The following CTDSPL2 variants were observed in gnomAD, a reference collection of about 807,000 sequenced individuals.
The protein encoded by CTDSPL2 is CTD small phosphatase like 2, also known as CTD small phosphatase-like protein 2.
CTDSPL2 carries 5 observed loss-of-function variants against 60.0 expected under a neutral mutation model. The ratio of observed to expected loss-of-function variants is 0.08; its 90% CI spans 0.04 to 0.18. The LOEUF is 0.18. Among genes scored for constraint, CTDSPL2 ranks in the 10% least tolerant of loss-of-function variants. The pLI, the probability that CTDSPL2 is intolerant of heterozygous loss-of-function variation, is 1.00. For synonymous variants in CTDSPL2, 186 were observed against 189.3 expected, an observed-to-expected ratio of 0.98 and a Z score of 0.14; for missense variants, 370 against 548.8, an observed-to-expected ratio of 0.67 and a Z score of 3.26.
intron 1 of CTDSPL2, among the ~76,000 whole-genome samples, chr15:44,458,314 T>C (rs980993818): frequency 6.6e-6 from 1 of 152,234 alleles, no homozygotes; most frequent in African/African-American, 2.4e-5. Context: ...TTCTAAGTGT[T>C]GGGACAGTTT....
chr15:44,498,523 C>T (rs768352473), intron 7 of CTDSPL2, among the ~76,000 whole-genome samples: 4 of 151,994 alleles, frequency 2.6e-5, no homozygotes, highest in Non-Finnish European at 4.4e-5. Context: ...GAGTTTGAGG[C>T]GGCAGTGAGC....
chr15:44,524,024 T>C lies in CTDSPL2; in HGVS notation c.1336-85T>C, dbSNP rs995154337. The C allele has an allele frequency of 2.9e-6, 3 of 1,044,164 alleles. No homozygotes were observed. In the African/African-American group the frequency reaches 4.7e-5, roughly 16 times the overall value. The allele number at this position is 1,044,164 out of a possible 1,614,324, so 64.7% of individuals were successfully genotyped here. A position where few individuals can be genotyped will look rare whatever the true frequency, so the allele number is the denominator to read the frequency against. On this transcript the variant is annotated intron_variant, in intron 12 of 12. Coordinates refer to ENST00000260327, the MANE Select transcript of CTDSPL2 (RefSeq NM_016396.3). ...GTCATAAAATAAAAACTGGTATGTT[T>C]TCTCTGCAAGGTAAGAATGTATGTT...
chr15:44,441,423 A>G (rs970720198), intron 1 of CTDSPL2, among the ~76,000 whole-genome samples: 13 of 152,142 alleles, frequency 8.5e-5, no homozygotes, highest in East Asian at 7.7e-4. Flanking sequence ...CCATGTTCGC[A>G]TATTGTGAGC....
At chr15:44,515,828 G>A (rs1232019959) in intron 10 of CTDSPL2, among the ~76,000 whole-genome samples, 1 of 152,070 alleles carries the variant, frequency 6.6e-6, no homozygotes, top group African/African-American at 2.4e-5. Flanking sequence ...AGCCGAGATC[G>A]TGCCGTTGCA....
In CTDSPL2 at chr15:44,514,644, T is replaced by C; in HGVS notation, c.1016T>C (p.Met339Thr). Residue 339 changes from methionine (M) to threonine (T), a missense_variant, in exon 9 of 13, where the codon ATG becomes ACG. Coordinates refer to ENST00000260327, the MANE Select transcript of CTDSPL2 (RefSeq NM_016396.3). The stretch of plus-strand genomic sequence containing the variant: ...TTTTTCAGGGAATTCCTGGAACGAA[T>C]GTCTCAGATGTATGAGGTAAACATG... ...RPFFREFLER[M>T]SQMYEIILFT... is the part of the protein sequence containing the mutation. The C allele has an allele frequency of 6.2e-7, 1 of 1,607,842 alleles. No homozygotes were observed.
chr15:44,456,426 ATTG>A (rs1371432738), intron 1 of CTDSPL2, among the ~76,000 whole-genome samples: 2 of 152,076 alleles, frequency 1.3e-5, no homozygotes, highest in Non-Finnish European at 2.9e-5. Flanking sequence ...AGCTCCTGTT[ATTG>A]TTCTATTCAG....
chr15:44,521,529 GGTGCCATCATAGGCGCCTGTA>G (rs1169894933), intron 12 of CTDSPL2, 123 bp downstream of exon 12: 1 of 528,710 alleles, frequency 1.9e-6, no homozygotes, highest in Non-Finnish European at 3.3e-6. Context: ...CCAGGTCACA[GGTGCCATCATAGGCGCCTGTA>G]GTGCCAGCTA....
rs2081304671 is a variant in CTDSPL2 at position 44,496,603 on chromosome 15, GC to G, written c.770+146del. On this transcript the variant is annotated intron_variant, in intron 6 of 12. Coordinates refer to ENST00000260327, the MANE Select transcript of CTDSPL2 (RefSeq NM_016396.3). ...ACTTTTAATGGGGCTGGGTGCAGTG[GC>G]TCATCCCAGCACTTTGAGAGACCCA... 4.7e-6 allele frequency: 3 copies of G among 636,054 alleles called. No individual in the cohort carries two copies. The East Asian group carries it at 8.5e-5, about 18-fold the overall frequency. 39.4% of individuals were successfully genotyped at this position (636,054 alleles called of 1,614,324 possible).
chr15:44,465,712 C>CT (rs772862374), intron 2 of CTDSPL2, among the ~76,000 whole-genome samples: 5,267 of 128,000 alleles, frequency 0.041, 227 homozygotes, highest in African/African-American at 0.087. Context: ...TCCTCCTCCT[C>CT]TTTTTTTTTT....
chr15:44,518,921 T>C (rs2081707399), intron 10 of CTDSPL2: 4 of 245,102 alleles, frequency 1.6e-5, no homozygotes, highest in Non-Finnish European at 3.1e-5. Context: ...AATTTAATAA[T>C]AACATTTTGG....
intron 3 of CTDSPL2, among the ~76,000 whole-genome samples, chr15:44,485,533 G>A (rs577047020): frequency 6.6e-6 from 1 of 152,270 alleles, no homozygotes; most frequent in Non-Finnish European, 1.5e-5. Flanking sequence ...GTTCACAGTA[G>A]GGTTCGTGTT....
At chr15:44,475,650 AAAAAG>A (rs1315820819) in intron 2 of CTDSPL2, among the ~76,000 whole-genome samples, 1 of 152,138 alleles carries the variant, frequency 6.6e-6, no homozygotes, top group Admixed American at 6.5e-5. Flanking sequence ...AAAAAAAAAA[AAAAAG>A]ATTCTTCAGA....
chr15:44,474,824 C>T (rs1243714963), intron 2 of CTDSPL2, among the ~76,000 whole-genome samples: 1 of 152,156 alleles, frequency 6.6e-6, no homozygotes, highest in Admixed American at 6.6e-5. Flanking sequence ...CCATTGCACT[C>T]TAGCCTGGGT....
intron 1 of CTDSPL2, among the ~76,000 whole-genome samples, chr15:44,453,402 T>A (rs1322156900): frequency 6.6e-6 from 1 of 152,166 alleles, no homozygotes; most frequent in East Asian, 1.9e-4. Flanking sequence ...GATGATCATG[T>A]GGATTTTTTT....
At chr15:44,429,353 G>A (rs1284830330) in intron 1 of CTDSPL2, among the ~76,000 whole-genome samples, 2 of 152,166 alleles carry the variant, frequency 1.3e-5, no homozygotes, top group Admixed American at 6.6e-5. Flanking sequence ...AGCCAAATAT[G>A]CAACTTAAAG....
chr15:44,485,484 C>T (rs757277436), intron 3 of CTDSPL2, among the ~76,000 whole-genome samples: 4 of 152,174 alleles, frequency 2.6e-5, no homozygotes, highest in Admixed American at 6.5e-5. Flanking sequence ...TAGTTAGATT[C>T]TCATAAGGAT....
intron 1 of CTDSPL2, among the ~76,000 whole-genome samples, chr15:44,437,800 A>G (rs903902205): frequency 6.6e-6 from 1 of 152,238 alleles, no homozygotes; most frequent in Admixed American, 6.5e-5. Context: ...ATTAGAGATA[A>G]TCACAGGGTT....
At chr15:44,451,732 A>G (rs1287764481) in intron 1 of CTDSPL2, among the ~76,000 whole-genome samples, 1 of 152,222 alleles carries the variant, frequency 6.6e-6, no homozygotes, top group South Asian at 2.1e-4. Flanking sequence ...GTTGTTTAGC[A>G]GTAACTTCCA....
chr15:44,434,003 G>T (rs1387856343), intron 1 of CTDSPL2, among the ~76,000 whole-genome samples: 1 of 151,290 alleles, frequency 6.6e-6, no homozygotes, highest in Admixed American at 6.6e-5. Context: ...TTAGTCATCA[G>T]TAATCTAACA....
Sources: allele counts gnomAD v4.1 joint callset (sites outside exome capture counted in the v4.1 genomes callset), GRCh38; gene constraint gnomAD v4.1.1; transcripts MANE v1.5; gene names NCBI Gene and HGNC (gene_info 2026-07-23, HGNC 2026-07-21).